Variants in TBC1D32 observed in about 807,000 individuals in gnomAD.
TBC1D32 encodes the protein TBC1 domain family member 32.
In TBC1D32, 151 loss-of-function variants were observed where a neutral mutation model predicts 170.3. The ratio of observed to expected loss-of-function variants is 0.89; its 90% confidence interval spans 0.78 to 1.01. The LOEUF is 1.01. Ranked by LOEUF, TBC1D32 falls within the 50% of genes least tolerant of loss-of-function variation. TBC1D32 has a pLI of 0.00. For missense variants in TBC1D32, 1,464 were observed against 1,457.1 expected, an observed-to-expected ratio of 1.00 and a Z score of -0.08; for synonymous variants, 498 against 488.0, an observed-to-expected ratio of 1.02 and a Z score of -0.27.
intron 9 of TBC1D32, among the ~76,000 whole-genome samples, chr6:121,301,394 G>A (rs905826964): frequency 3.9e-5 from 6 of 152,088 alleles, no homozygotes; most frequent in Admixed American, 1.3e-4. Context: ...GCAGGGACAC[G>A]GATGATGCTG....
At chr6:121,262,815 T>C (rs1464927982) in intron 15 of TBC1D32, among the ~76,000 whole-genome samples, 1 of 152,138 alleles carries the variant, frequency 6.6e-6, no homozygotes, top group African/African-American at 2.4e-5. Flanking sequence ...CAACTCAGAA[T>C]TTCATATCTG....
At chr6:121,250,069 C>T (rs1798096623) in intron 17 of TBC1D32, among the ~76,000 whole-genome samples, 1 of 151,990 alleles carries the variant, frequency 6.6e-6, no homozygotes, top group Admixed American at 6.6e-5. Context: ...CATCTCATTA[C>T]CCACCTTCAA....
At chr6:121,127,962 C>T (rs1486702297) in intron 25 of TBC1D32, among the ~76,000 whole-genome samples, 1 of 152,098 alleles carries the variant, frequency 6.6e-6, no homozygotes, top group Non-Finnish European at 1.5e-5. Flanking sequence ...GAGATTAGGT[C>T]AGAAATACAG....
chr6:121,240,209 GATGC>G (rs1239236935), intron 19 of TBC1D32, among the ~76,000 whole-genome samples: 1 of 152,016 alleles, frequency 6.6e-6, no homozygotes, highest in African/African-American at 2.4e-5. Flanking sequence ...TTGAGACTCT[GATGC>G]TCAGAAGCTT....
rs959154561 is a variant in TBC1D32 at position 121,334,356 on chromosome 6, C to G, written c.75G>C (p.Glu25Asp). ...MLRRLFQSVK[E>D]KITGAPSLEC... The stretch of plus-strand genomic sequence containing the variant: ...CCAGGGAAGGGGCACCCGTGATTTT[C>G]TCCTTCACGCTCTGGAACAACCGCC... Residue 25 changes from glutamate (E) to aspartate (D), a missense_variant, in exon 1 of 32, where the codon GAG becomes GAC. Transcript: ENST00000398212. 6.2e-7 allele frequency: 1 copy of G among 1,614,206 alleles called. No individual in the cohort carries two copies. The highest frequency in any genetic ancestry group is 1.3e-5 in the African/African-American group (1 of 75,054).
intron 3 of TBC1D32, among the ~76,000 whole-genome samples, chr6:121,317,250 T>C (rs1035767555): frequency 6.6e-6 from 1 of 152,270 alleles, no homozygotes; most frequent in Non-Finnish European, 1.5e-5. Context: ...TTTTTTTTAA[T>C]TCTAACATAC....
intron 30 of TBC1D32, among the ~76,000 whole-genome samples, chr6:121,096,852 T>TAGACCA (rs1231714308): frequency 6.6e-6 from 1 of 152,064 alleles, no homozygotes; most frequent in Non-Finnish European, 1.5e-5. Context: ...AACAGATATA[T>TAGACCA]AGACCAATTG....
intron 26 of TBC1D32, among the ~76,000 whole-genome samples, chr6:121,121,368 T>C (rs1016385391): frequency 6.6e-6 from 1 of 151,998 alleles, no homozygotes; most frequent in Non-Finnish European, 1.5e-5. Flanking sequence ...TAGAAAGATA[T>C]GTCTAACTTG....
chr6:121,194,508 C>G (rs1790477190), intron 22 of TBC1D32, among the ~76,000 whole-genome samples: 1 of 152,222 alleles, frequency 6.6e-6, no homozygotes, highest in Non-Finnish European at 1.5e-5. Flanking sequence ...ACAGACAGAT[C>G]TTGGAGAATG....
intron 22 of TBC1D32, among the ~76,000 whole-genome samples, chr6:121,194,526 G>A (rs914660498): frequency 6.6e-6 from 1 of 152,200 alleles, no homozygotes; most frequent in African/African-American, 2.4e-5. Flanking sequence ...ATGACACTGG[G>A]TTATTGTAAG....
At chr6:121,143,485 CA>C (rs1266016338) in intron 24 of TBC1D32, among the ~76,000 whole-genome samples, 13 of 152,100 alleles carry the variant, frequency 8.5e-5, no homozygotes, top group Admixed American at 8.5e-4. Flanking sequence ...CTGTAGCAAA[CA>C]GAATAAATCT....
intron 24 of TBC1D32, among the ~76,000 whole-genome samples, chr6:121,150,025 C>A (rs1164415554): frequency 6.6e-6 from 1 of 151,956 alleles, no homozygotes; most frequent in Admixed American, 6.6e-5. Context: ...TGCTAGACTG[C>A]CCTGGCCAAA....
At chr6:121,272,340 C>A (rs1471441781) in intron 15 of TBC1D32, among the ~76,000 whole-genome samples, 4 of 151,852 alleles carry the variant, frequency 2.6e-5, no homozygotes, top group South Asian at 2.1e-4. Context: ...AAGGGAGAAA[C>A]TTTTTACAAT....
At chr6:121,203,002 GAAAAACATAGA>G (rs1354640822) in intron 22 of TBC1D32, among the ~76,000 whole-genome samples, 1 of 151,286 alleles carries the variant, frequency 6.6e-6, no homozygotes, top group Non-Finnish European at 1.5e-5. Context: ...AACAAGCAAT[GAAAAACATAGA>G]TTCAGACACA....
intron 24 of TBC1D32, among the ~76,000 whole-genome samples, chr6:121,146,479 T>C (rs1387160966): frequency 1.3e-5 from 2 of 152,208 alleles, no homozygotes; most frequent in African/African-American, 2.4e-5. Context: ...GCTATTTCTA[T>C]ATCATTGATA....
Position 121,131,627 on chromosome 6 carries a change from C to A in TBC1D32, c.2899G>T (p.Ala967Ser). The A allele has an allele frequency of 6.2e-7, 1 of 1,608,806 alleles. No homozygotes were observed. The highest frequency in any genetic ancestry group is 8.5e-7 in the Non-Finnish European group (1 of 1,177,368). Reference protein sequence around the residue: ...KAKPDIISGEALIELLEKFVL... With the variant: ...KAKPDIISGESLIELLEKFVL... ...CCCACAATGGAAACAATGTACTTACCCTCTCCACTGATTATATCAGGTTTG... is the reference window on the plus strand; with the variant it reads ...CCCACAATGGAAACAATGTACTTACACTCTCCACTGATTATATCAGGTTTG... The change falls in exon 25 of 32, where the codon GCC becomes TCC. Residue 967 changes from alanine to serine, a missense_variant and splice_region_variant. By Grantham distance (99) the Ala-to-Ser change is moderately conservative. Coordinates refer to ENST00000398212, the MANE Select transcript of TBC1D32 (RefSeq NM_152730.6).
Position 121,318,785 on chromosome 6 carries a change from G to GTATA in TBC1D32, c.318-1117_318-1114dup, listed in dbSNP as rs1176928324. 2.0e-5 allele frequency among the ~76,000 whole-genome samples: 3 copies of GTATA among 150,754 alleles called. No individual in the cohort carries two copies. The East Asian group carries it at 5.8e-4, about 29-fold the overall frequency. The stretch of plus-strand genomic sequence containing the variant: ...TAATAAATACATGTATAGTGTGTGT[G>GTATA]TATATATACATATATACACGTATTT... On this transcript the variant is annotated intron_variant, in intron 2 of 31. Transcript: ENST00000398212.
chr6:121,133,561 A>G (rs1781678715), intron 24 of TBC1D32, among the ~76,000 whole-genome samples: 1 of 152,000 alleles, frequency 6.6e-6, no homozygotes, highest in Non-Finnish European at 1.5e-5. Context: ...ACTGCTACGT[A>G]TTGCTGCATG....
intron 15 of TBC1D32, among the ~76,000 whole-genome samples, chr6:121,267,265 G>C (rs1800656934): frequency 6.6e-6 from 1 of 152,082 alleles, no homozygotes; most frequent in Non-Finnish European, 1.5e-5. Flanking sequence ...ATCTCACTGG[G>C]GCTTGTCGTA....
Sources: gnomAD v4.1 joint callset for allele counts (sites outside exome capture counted in the v4.1 genomes callset) on GRCh38, gnomAD v4.1.1 for gene constraint, MANE v1.5 for transcripts, NCBI Gene and HGNC (gene_info 2026-07-23, HGNC 2026-07-21) for gene names.